The following CPNE2 variants were observed in gnomAD, a reference collection of about 807,000 sequenced individuals.
The protein encoded by CPNE2 is copine-2.
A neutral mutation model predicts 69.7 loss-of-function variants in CPNE2; 42 were observed. The observed-to-expected ratio is 0.60, with a 90% CI of 0.47 to 0.78. The LOEUF (loss-of-function observed/expected upper bound fraction) is 0.78, where lower values mean the gene tolerates loss of function less well. CPNE2 is among the 30% of genes least tolerant of loss of function. The pLI, the probability that CPNE2 is intolerant of heterozygous loss-of-function variation, is 0.00. For missense variants in CPNE2, 587 were observed against 732.0 expected (o/e 0.80, Z 2.29); for synonymous variants, 294 against 289.8 (o/e 1.01, Z -0.15).
At chr16:57,125,234 C>G (rs1271362772) in intron 10 of CPNE2, 4 of 454,606 alleles carry the variant, frequency 8.8e-6, no homozygotes, top group African/African-American at 2.0e-5. Flanking sequence ...CCATCAGCCC[C>G]GAGTCCCTGT....
At chr16:57,140,088 C>G (rs2069910624) in intron 14 of CPNE2, among the ~76,000 whole-genome samples, 1 of 152,104 alleles carries the variant, frequency 6.6e-6, no homozygotes, top group African/African-American at 2.4e-5. Context: ...CCAGAAGGAG[C>G]TTCCCGGCCC....
chr16:57,123,487 C>A lies in CPNE2; in HGVS notation c.927+14C>A. The A allele has an allele frequency of 6.2e-7, 1 of 1,612,538 alleles. No homozygotes were observed. ...CTCATGTTCACCGTAAGGCTCTCCC[C>A]GCTGGCTCCCTCTGCACCCCCATCC... On this transcript the variant is annotated intron_variant, in intron 10 of 15. Transcript: ENST00000290776.
chr16:57,119,718 C>T (rs1405149226), intron 7 of CPNE2, 68 bp downstream of exon 7: 9 of 1,059,554 alleles, frequency 8.5e-6, no homozygotes, highest in Non-Finnish European at 1.2e-5. Flanking sequence ...CCTGAGGCTC[C>T]CGGGGATGCC....
At chr16:57,127,687 G>A (rs1285726684) in intron 11 of CPNE2, among the ~76,000 whole-genome samples, 162 bp from the exon 12 acceptor site, 2 of 152,176 alleles carry the variant, frequency 1.3e-5, no homozygotes, top group African/African-American at 4.8e-5. Flanking sequence ...GAGGTGGGTT[G>A]GGCTCATTAG....
At chr16:57,113,688 G>C (rs2069697041) in intron 3 of CPNE2, among the ~76,000 whole-genome samples, 1 of 152,254 alleles carries the variant, frequency 6.6e-6, no homozygotes, top group African/African-American at 2.4e-5. Context: ...GGGGCCCCAG[G>C]TGGCCAGGGA....
intron 1 of CPNE2, among the ~76,000 whole-genome samples, chr16:57,097,104 C>G (rs1175242167): frequency 6.6e-6 from 1 of 152,180 alleles, no homozygotes; most frequent in African/African-American, 2.4e-5. Context: ...CGAGAGAGAC[C>G]AATGCCTTGC....
chr16:57,119,675 T>C, intron 7 of CPNE2, 25 bp downstream of exon 7: 1 of 1,541,564 alleles, frequency 6.5e-7, no homozygotes, highest in Non-Finnish European at 8.8e-7. Flanking sequence ...GGGACCCTGC[T>C]CCCCACCTTG....
In CPNE2 at chr16:57,121,672, AG is replaced by A; in HGVS notation, c.781-1del. 1 of 1,614,088 alleles carries A rather than the reference AG, an allele frequency of 6.2e-7. No individual in the cohort carries two copies. The highest frequency in any genetic ancestry group is 8.5e-7 in the Non-Finnish European group (1 of 1,179,976). ...AGTGTCTCTTTCTTTTGCGTTGCCCAGCTGGAGTTCGAGTGCATCAACCCCA... is the reference window on the plus strand; with the variant it reads ...AGTGTCTCTTTCTTTTGCGTTGCCCACTGGAGTTCGAGTGCATCAACCCCA... On this transcript the variant is annotated splice_acceptor_variant, in intron 8 of 15. Transcript: ENST00000290776. LOFTEE classifies it high-confidence loss of function.
In CPNE2 at chr16:57,100,526, A is replaced by G. The variant is rs28729943; in HGVS notation, c.-36+7736A>G. Among the ~76,000 whole-genome samples the G allele has an allele frequency of 5.9e-3, 899 of 152,372 alleles. 8 individuals carry two copies. The highest frequency in any genetic ancestry group is 0.015 in the African/African-American group (638 of 41,584). On this transcript the variant is annotated intron_variant, in intron 1 of 15. Coordinates refer to ENST00000290776, the MANE Select transcript of CPNE2 (RefSeq NM_152727.6). ...GGATGAGAAAACTAAACTGAGACAC[A>G]GAAGGACCAATGACTTGTCCAGAGT...
intron 5 of CPNE2, among the ~76,000 whole-genome samples, chr16:57,118,872 G>A (rs1161515415): frequency 1.3e-5 from 2 of 152,144 alleles, no homozygotes; most frequent in Non-Finnish European, 2.9e-5. Context: ...CTTGGGAATA[G>A]TCACCCTCTT....
intron 10 of CPNE2, 60 bp downstream of exon 10, chr16:57,123,533 G>T (rs908658308): frequency 6.4e-7 from 1 of 1,558,252 alleles, no homozygotes. Context: ...CCTCCCTGAA[G>T]ACTTGGGCCA....
At chr16:57,113,223 G>A in intron 2 of CPNE2, 65 bp from the exon 3 acceptor site, 1 of 1,473,052 alleles carries the variant, frequency 6.8e-7, no homozygotes, top group Non-Finnish European at 9.4e-7. Context: ...ATGATTTCCA[G>A]CAGCCTGCGA....
At chr16:57,113,622 C>T (rs892255425) in intron 3 of CPNE2, among the ~76,000 whole-genome samples, 155 bp downstream of exon 3, 4 of 152,320 alleles carry the variant, frequency 2.6e-5, no homozygotes, top group African/African-American at 9.6e-5. Context: ...GGTTCAAGGC[C>T]GGGCTGAAGA....
intron 1 of CPNE2, among the ~76,000 whole-genome samples, chr16:57,102,981 C>T (rs1164736684): frequency 8.5e-5 from 13 of 152,148 alleles, no homozygotes; most frequent in African/African-American, 2.4e-4. Context: ...TCTACTTTCC[C>T]CTCTTCCCCA....
At chr16:57,100,887 T>C in intron 1 of CPNE2, among the ~76,000 whole-genome samples, 1 of 152,204 alleles carries the variant, frequency 6.6e-6, no homozygotes, top group East Asian at 1.9e-4. Context: ...ACACCCTGTT[T>C]TCCTGCCCCA....
rs770852542 is a variant in CPNE2, at chr16:57,115,550, G to A, written c.435G>A (p.Thr145=). The part of the protein sequence containing the change: ...NDKPAGKGLI[T]IAAQELSDNR... The stretch of plus-strand genomic sequence containing the variant: ...AGCCTGCGGGGAAGGGCTTGATTAC[G>A]GTACCAGTCCCCTCCCGGCTCTCCG... The change falls in exon 4 of 16, where the codon ACG becomes ACA. Residue 145 remains threonine (T), a splice_region_variant and synonymous_variant. Coordinates refer to ENST00000290776, the MANE Select transcript of CPNE2 (RefSeq NM_152727.6). 2.5e-6 allele frequency: 4 copies of A among 1,610,122 alleles called. No individual in the cohort carries two copies. In the Admixed American group the frequency reaches 5.0e-5, roughly 20 times the overall value.
chr16:57,100,829 C>T (rs1214579521), intron 1 of CPNE2, among the ~76,000 whole-genome samples: 2 of 152,172 alleles, frequency 1.3e-5, no homozygotes, highest in East Asian at 3.8e-4. Flanking sequence ...GGGGTGGGCT[C>T]TCTGAGCTCC....
chr16:57,121,731 T>G lies in CPNE2; in HGVS notation c.838T>G (p.Ser280Ala). The G allele has an allele frequency of 6.2e-7, 1 of 1,614,002 alleles. No homozygotes were observed. Among genetic ancestry groups the G allele is most frequent in the Non-Finnish European group, 8.5e-7 (1 of 1,180,016 alleles). Residue 280 changes from serine to alanine, a missense_variant, in exon 9 of 16, where the codon TCG (serine) becomes GCG (alanine). This residue lies in a region of CPNE2 where 269 missense variants were observed against 300.5 expected (regional missense o/e 0.90). Transcript: ENST00000290776. ...KQRKKKNYKN[S>A]GIIILRSCKI... is the part of the protein sequence containing the mutation. ...GAGGAAGAAGAAGAACTATAAAAAC[T>G]CGGGCATCATCATCCTGCGATCCTG...
chr16:57,102,044 T>C (rs1288659336), intron 1 of CPNE2, among the ~76,000 whole-genome samples: 3 of 151,742 alleles, frequency 2.0e-5, no homozygotes, highest in African/African-American at 7.3e-5. Flanking sequence ...CTTCCCGGGC[T>C]TAGGTGATTC....
Sources: allele counts gnomAD v4.1 joint callset (sites outside exome capture counted in the v4.1 genomes callset), GRCh38; gene constraint gnomAD v4.1.1; regional missense constraint gnomAD v4.1.1; transcripts MANE v1.5; gene names NCBI Gene and HGNC (gene_info 2026-07-23, HGNC 2026-07-21).